MICAL3: variants seen among roughly 807,000 people sequenced by gnomAD.
MICAL3 encodes the protein microtubule associated monooxygenase, calponin and LIM domain containing 3.
A neutral mutation model predicts 207.4 loss-of-function variants in MICAL3; 62 were observed. The ratio of observed to expected loss-of-function variants is 0.30; its 90% CI spans 0.24 to 0.37. The LOEUF (loss-of-function observed/expected upper bound fraction) is 0.37. MICAL3 is among the 10% of genes least tolerant of loss of function. The pLI, the probability that MICAL3 is intolerant of heterozygous loss-of-function variation, is 1.00. For synonymous variants in MICAL3, 1,077 were observed against 1,069.3 expected (o/e 1.01, Z -0.14); for missense variants, 2,368 against 2,635.6 (o/e 0.90, Z 2.22).
At chr22:17,942,923 T>C (rs892580055) in intron 1 of MICAL3, among the ~76,000 whole-genome samples, 1 of 152,214 alleles carries the variant, frequency 6.6e-6, no homozygotes, top group African/African-American at 2.4e-5. Flanking sequence ...GCAGATCTCA[T>C]TGAGTAGCTT....
At position 17,901,877 on chromosome 22, in the gene MICAL3, C is replaced by T. The variant is rs773626975; in HGVS notation, c.691+1G>A. 1.9e-6 allele frequency: 3 copies of T among 1,610,402 alleles called. No individual in the cohort carries two copies. In the Admixed American group the frequency reaches 5.0e-5, roughly 27 times the overall value. On this transcript the variant is annotated splice_donor_variant, in intron 5 of 31. Transcript: ENST00000441493. LOFTEE classifies it high-confidence loss of function. Reference sequence around the variant, plus strand: ...CCAGGCAGAGGAGCACAGACCAATACCTTCCAAGGTGTTCCTCCGACCATC... The same window carrying T: ...CCAGGCAGAGGAGCACAGACCAATATCTTCCAAGGTGTTCCTCCGACCATC...
At position 17,841,588 on chromosome 22, in the gene MICAL3, T is replaced by C; in HGVS notation, c.2801+234A>G. Reference sequence around the variant, plus strand: ...AATGACAGACTTGGAGCTGGGGACATGTCAGGTCCTCAAGGAATAAATACT... The same window carrying C: ...AATGACAGACTTGGAGCTGGGGACACGTCAGGTCCTCAAGGAATAAATACT... On this transcript the variant is annotated intron_variant, in intron 20 of 31. Coordinates refer to ENST00000441493, the MANE Select transcript of MICAL3 (RefSeq NM_015241.3). This position sits in a 1 kb window ranked among gnomAD's most constrained non-coding sequence, Gnocchi z 4.2. 1 of 582,996 alleles carries C rather than the reference T, an allele frequency of 1.7e-6. No individual in the cohort carries two copies. The highest frequency in any genetic ancestry group is 2.8e-5 in the East Asian group (1 of 36,062). 36.1% of individuals were successfully genotyped at this position (582,996 alleles called of 1,614,324 possible). A position where few individuals can be genotyped will look rare whatever the true frequency, so the allele number is the denominator to read the frequency against.
chr22:17,946,111 A>G (rs1403866277), intron 1 of MICAL3, among the ~76,000 whole-genome samples: 1 of 152,182 alleles, frequency 6.6e-6, no homozygotes, highest in Non-Finnish European at 1.5e-5. Flanking sequence ...CAGCATCTCA[A>G]GTCCTTGGCT....
At chr22:17,994,759 G>A (rs1257516054) in intron 1 of MICAL3, among the ~76,000 whole-genome samples, 3 of 151,838 alleles carry the variant, frequency 2.0e-5, no homozygotes, top group Middle Eastern at 3.2e-3. Flanking sequence ...ATGGGCAGGA[G>A]AGAAGAGAAG....
At chr22:17,801,238 C>T (rs1223568895) in intron 29 of MICAL3, among the ~76,000 whole-genome samples, 1 of 57,992 alleles carries the variant, frequency 1.7e-5, no homozygotes, top group East Asian at 4.8e-4. Context: ...CTGCAAGCTC[C>T]GCCTCCCGGG....
intron 1 of MICAL3, among the ~76,000 whole-genome samples, chr22:17,934,255 C>T (rs1933409947): frequency 6.6e-6 from 1 of 152,162 alleles, no homozygotes; most frequent in African/African-American, 2.4e-5. Context: ...AAAGTTTATC[C>T]ACCATGATCA....
At chr22:17,980,479 T>C (rs1273570113) in intron 1 of MICAL3, among the ~76,000 whole-genome samples, 2 of 152,198 alleles carry the variant, frequency 1.3e-5, no homozygotes, top group African/African-American at 4.8e-5. Flanking sequence ...AATACCCTCC[T>C]AGTGGGCAAG....
intron 1 of MICAL3, among the ~76,000 whole-genome samples, chr22:18,000,514 A>G (rs960391638): frequency 1.3e-5 from 2 of 152,152 alleles, no homozygotes; most frequent in Non-Finnish European, 2.9e-5. Flanking sequence ...CTACCTACTG[A>G]GCAAGCGGGG....
At chr22:17,939,870 C>T (rs1933727037) in intron 1 of MICAL3, among the ~76,000 whole-genome samples, 2 of 152,152 alleles carry the variant, frequency 1.3e-5, no homozygotes, top group Non-Finnish European at 2.9e-5. Flanking sequence ...ACTTGGATAA[C>T]CAATTTAAAA....
chr22:17,901,542 C>T (rs1160834842), intron 5 of MICAL3, among the ~76,000 whole-genome samples: 6 of 152,152 alleles, frequency 3.9e-5, no homozygotes, highest in Admixed American at 2.6e-4. Flanking sequence ...TGGTGGCACG[C>T]GCCTGTAGTC....
At chr22:17,968,609 T>C (rs539411236) in intron 1 of MICAL3, among the ~76,000 whole-genome samples, 49 of 151,896 alleles carry the variant, frequency 3.2e-4, no homozygotes, top group Non-Finnish European at 5.0e-4. Context: ...CCTGGGAGAG[T>C]GTCCAACTGA....
At position 17,852,975 on chromosome 22, in the gene MICAL3, T is replaced by C. The variant is rs1925495418; in HGVS notation, c.2606-10958A>G. On this transcript the variant is annotated intron_variant, in intron 19 of 31. Coordinates refer to ENST00000441493, the MANE Select transcript of MICAL3 (RefSeq NM_015241.3). Reference sequence around the variant, plus strand: ...CTGTAATCCCAGCTACTCAGGAGACTGGGGCAGGAGAATCGCTTGAACCTG... The same window carrying C: ...CTGTAATCCCAGCTACTCAGGAGACCGGGGCAGGAGAATCGCTTGAACCTG... 2.0e-5 allele frequency among the ~76,000 whole-genome samples: 3 copies of C among 150,690 alleles called. No individual in the cohort carries two copies. In the South Asian group the frequency reaches 6.3e-4, roughly 31 times the overall value.
intron 13 of MICAL3, among the ~76,000 whole-genome samples, 199 bp downstream of exon 13, chr22:17,888,835 G>T (rs1225238568): frequency 2.0e-5 from 3 of 152,248 alleles, no homozygotes; most frequent in Non-Finnish European, 4.4e-5. Context: ...AGAAAGAAAG[G>T]AGGGGTTGAG....
At chr22:17,880,249 T>C (rs907075108) in intron 16 of MICAL3, among the ~76,000 whole-genome samples, 3 of 152,128 alleles carry the variant, frequency 2.0e-5, no homozygotes, top group Non-Finnish European at 4.4e-5. Context: ...TGACATGGCC[T>C]CTCCACTCTA....
intron 1 of MICAL3, among the ~76,000 whole-genome samples, chr22:17,931,297 A>T (rs572277829): frequency 1.3e-5 from 2 of 152,164 alleles, no homozygotes; most frequent in Non-Finnish European, 2.9e-5. Flanking sequence ...CACCATTTGG[A>T]AAAAAACTAA....
intron 1 of MICAL3, among the ~76,000 whole-genome samples, chr22:18,012,912 A>AC (rs1044942509): frequency 5.9e-5 from 9 of 151,732 alleles, no homozygotes; most frequent in Admixed American, 5.9e-4. Flanking sequence ...CAGCATTCAG[A>AC]CCCCCTTGCT....
intron 16 of MICAL3, chr22:17,872,733 G>A: frequency 6.6e-7 from 1 of 1,516,772 alleles, no homozygotes; most frequent in South Asian, 1.1e-5. Context: ...ACAGTGCCTG[G>A]AGGCGTCTCT....
At chr22:17,866,179 C>T (rs780696035) in intron 17 of MICAL3, among the ~76,000 whole-genome samples, 167 bp from the exon 18 acceptor site, 8 of 152,174 alleles carry the variant, frequency 5.3e-5, no homozygotes, top group Non-Finnish European at 7.3e-5. Flanking sequence ...CCAGTTCCTC[C>T]GGGTAAACTT....
At chr22:17,826,755 G>A (rs1922231918) in intron 22 of MICAL3, among the ~76,000 whole-genome samples, 1 of 152,248 alleles carries the variant, frequency 6.6e-6, no homozygotes, top group Non-Finnish European at 1.5e-5. Context: ...CAGGGCTGCA[G>A]AGCGCTCCCC....
Sources: allele counts gnomAD v4.1 joint callset (sites outside exome capture counted in the v4.1 genomes callset), GRCh38; gene constraint gnomAD v4.1.1; non-coding constraint Gnocchi (gnomAD v3.1); transcripts MANE v1.5; gene names NCBI Gene and HGNC (gene_info 2026-07-23, HGNC 2026-07-21).